The following LINGO2 variants were observed in gnomAD, a reference collection of about 807,000 sequenced individuals.
The protein encoded by LINGO2 is leucine rich repeat and Ig domain containing 2, also known as leucine-rich repeat and immunoglobulin-like domain-containing nogo receptor-interacting protein 2.
In LINGO2, 14 loss-of-function variants were observed where a neutral mutation model predicts 30.6. The ratio of observed to expected loss-of-function variants is 0.46; its 90% CI spans 0.30 to 0.72. LINGO2 has a LOEUF of 0.72. LINGO2 is among the 30% of genes least tolerant of loss of function. LINGO2 has a pLI of 0.07. For synonymous variants in LINGO2, 317 were observed against 288.5 expected (o/e 1.10, Z -1.00); for missense variants, 729 against 751.7 (o/e 0.97, Z 0.35).
chr9:28,945,576 G>T, the LINGO2 span, among the ~76,000 whole-genome samples: 1 of 152,082 alleles, frequency 6.6e-6, no homozygotes, highest in Non-Finnish European at 1.5e-5. Context: ...TGAAAAAATG[G>T]CAGTTAGTGG....
the LINGO2 span, among the ~76,000 whole-genome samples, chr9:29,150,247 G>A: frequency 7.9e-5 from 12 of 152,124 alleles, no homozygotes; most frequent in Non-Finnish European, 1.2e-4. Flanking sequence ...TTGGCCCTCC[G>A]AAAGTACCCA....
chr9:28,908,140 TACACACACACACACATAC>T, the LINGO2 span, among the ~76,000 whole-genome samples: 1 of 92,852 alleles, frequency 1.1e-5, no homozygotes, highest in Non-Finnish European at 2.4e-5. Flanking sequence ...TGGGAAGCTA[TACACACACACACACATAC>T]ACACACACAC....
intron 1 of LINGO2, among the ~76,000 whole-genome samples, chr9:28,598,436 A>AG (rs1554643697): frequency 7.8e-6 from 1 of 127,974 alleles, no homozygotes; most frequent in Non-Finnish European, 1.6e-5. Context: ...AAAAAAAAAC[A>AG]AAACAAACAA....
At chr9:28,364,113 TTC>T (rs1462405216) in intron 3 of LINGO2, among the ~76,000 whole-genome samples, 1 of 152,182 alleles carries the variant, frequency 6.6e-6, no homozygotes, top group African/African-American at 2.4e-5. Context: ...ATAGTCATAA[TTC>T]TAAACTCCTT....
the LINGO2 span, among the ~76,000 whole-genome samples, chr9:28,880,820 T>C: frequency 6.6e-6 from 1 of 152,144 alleles, no homozygotes; most frequent in African/African-American, 2.4e-5. Context: ...GCAAGACATG[T>C]TTGCAGCAAT....
intron 1 of LINGO2, among the ~76,000 whole-genome samples, chr9:28,501,050 A>C (rs1049113764): frequency 6.6e-6 from 1 of 152,174 alleles, no homozygotes; most frequent in Non-Finnish European, 1.5e-5. Flanking sequence ...TACCAACTGC[A>C]GGTCCTTTCT....
At chr9:27,967,500 G>T (rs1246871253) in intron 5 of LINGO2, among the ~76,000 whole-genome samples, 3 of 152,034 alleles carry the variant, frequency 2.0e-5, no homozygotes, top group Non-Finnish European at 4.4e-5. Context: ...TAGAGAAAAT[G>T]CTGGTGTGTA....
intron 4 of LINGO2, among the ~76,000 whole-genome samples, chr9:28,201,233 C>T (rs1333698188): frequency 1.4e-5 from 2 of 145,354 alleles, no homozygotes; most frequent in Admixed American, 7.0e-5. Context: ...CCCCCTCCCC[C>T]CAACCCCACC....
intron 1 of LINGO2, among the ~76,000 whole-genome samples, chr9:28,587,029 C>T (rs10757758): frequency 0.56 from 84,201 of 151,698 alleles, 24,169 homozygotes; most frequent in East Asian, 0.69. Context: ...AGATGGGATT[C>T]GTAAGGCTTC....
rs146902134 is a variant in LINGO2 at position 28,320,139 on chromosome 9, T to C, written c.-245-24773A>G. On this transcript the variant is annotated intron_variant, in intron 3 of 5. Transcript: ENST00000379992. The stretch of plus-strand genomic sequence containing the variant: ...ACACGTCAGTTGTTCCAGTTTTGCA[T>C]TGGAAACATACAATCCCCTCATTCT... Among the ~76,000 whole-genome samples, 341 of 152,242 alleles carry C rather than the reference T, an allele frequency of 2.2e-3. 1 individual carries two copies. Among genetic ancestry groups the C allele is most frequent in the South Asian group, 0.011 (53 of 4,828 alleles).
intron 4 of LINGO2, among the ~76,000 whole-genome samples, chr9:28,170,510 A>G (rs1445977749): frequency 1.3e-5 from 2 of 152,160 alleles, no homozygotes; most frequent in Non-Finnish European, 2.9e-5. Context: ...GCTGGCTGCA[A>G]TGTCCTTTGG....
chr9:28,970,777 T>C, the LINGO2 span, among the ~76,000 whole-genome samples: 2 of 152,170 alleles, frequency 1.3e-5, no homozygotes, highest in Non-Finnish European at 2.9e-5. Flanking sequence ...GCTATGGATC[T>C]CTGAGTAAAC....
At chr9:28,789,451 C>T in the LINGO2 span, among the ~76,000 whole-genome samples, 3 of 152,122 alleles carry the variant, frequency 2.0e-5, no homozygotes, top group African/African-American at 7.2e-5. Context: ...GTTTGCCCAG[C>T]TTGGACTCCC....
chr9:29,181,529 T>C, the LINGO2 span, among the ~76,000 whole-genome samples: 4 of 152,188 alleles, frequency 2.6e-5, no homozygotes, highest in African/African-American at 9.7e-5. Context: ...ATTACAGTTT[T>C]CTTAGCTTCC....
the LINGO2 span, among the ~76,000 whole-genome samples, chr9:28,831,919 A>T: frequency 6.6e-6 from 1 of 152,204 alleles, no homozygotes; most frequent in Non-Finnish European, 1.5e-5. Flanking sequence ...TGACTCTTCT[A>T]TTCTACATAA....
chr9:28,121,723 T>C (rs1024414007), intron 4 of LINGO2, among the ~76,000 whole-genome samples: 12 of 152,150 alleles, frequency 7.9e-5, no homozygotes, highest in African/African-American at 2.9e-4. Flanking sequence ...GGAAAGATTG[T>C]TTTACTTAAG....
chr9:28,726,620 C>A, the LINGO2 span, among the ~76,000 whole-genome samples: 2 of 152,028 alleles, frequency 1.3e-5, no homozygotes, highest in African/African-American at 4.8e-5. Flanking sequence ...TTATAAAAAA[C>A]AGCACTAACA....
the LINGO2 span, among the ~76,000 whole-genome samples, chr9:28,895,822 G>C: frequency 7.2e-5 from 11 of 152,008 alleles, no homozygotes; most frequent in African/African-American, 2.7e-4. Flanking sequence ...AGACAAAGGA[G>C]GCAGAGCAGA....
chr9:27,987,804 T>C (rs1821195127), intron 5 of LINGO2, among the ~76,000 whole-genome samples: 1 of 151,856 alleles, frequency 6.6e-6, no homozygotes, highest in Non-Finnish European at 1.5e-5. Context: ...ACTCTTTAAA[T>C]ATATATATAC....
Sources: gnomAD v4.1 joint callset for allele counts (sites outside exome capture counted in the v4.1 genomes callset) on GRCh38, gnomAD v4.1.1 for gene constraint, MANE v1.5 for transcripts, NCBI Gene and HGNC (gene_info 2026-07-23, HGNC 2026-07-21) for gene names.